DPYD: variants seen among roughly 807,000 people sequenced by gnomAD.
DPYD encodes dihydropyrimidine dehydrogenase, also known as dihydropyrimidine dehydrogenase [NADP(+)].
In DPYD, 109 loss-of-function variants were observed where a neutral mutation model predicts 116.2. That is an observed-to-expected ratio of 0.94 (90% CI 0.80 to 1.10). The LOEUF is 1.10. Among genes scored for constraint, DPYD ranks in the 50% least tolerant of loss-of-function variants. The probability of loss-of-function intolerance (pLI) is 0.00; values close to 1 mark genes in which losing one functional copy is unlikely to be tolerated. For missense variants in DPYD, 1,302 were observed against 1,254.5 expected, an observed-to-expected ratio of 1.04 and a Z score of -0.57; for synonymous variants, 440 against 432.0, an observed-to-expected ratio of 1.02 and a Z score of -0.23.
chr1:97,534,200 T>C (rs1358872508), intron 12 of DPYD, among the ~76,000 whole-genome samples: 1 of 152,130 alleles, frequency 6.6e-6, no homozygotes, highest in African/African-American at 2.4e-5. Context: ...TGATTAAAAA[T>C]GTATTTGAAG....
At chr1:97,828,293 G>A (rs1218813962) in intron 2 of DPYD, 97 bp from the exon 3 acceptor site, 2 of 1,132,972 alleles carry the variant, frequency 1.8e-6, no homozygotes, top group African/African-American at 3.1e-5. Flanking sequence ...TATTGATCAT[G>A]GACTCATGAA....
chr1:97,559,652 T>C (rs982810599), intron 11 of DPYD, among the ~76,000 whole-genome samples: 1 of 152,162 alleles, frequency 6.6e-6, no homozygotes, highest in Non-Finnish European at 1.5e-5. Context: ...CTTTTTTTTT[T>C]CCTTGTCAAT....
At chr1:97,433,060 G>A (rs1675271708) in intron 14 of DPYD, among the ~76,000 whole-genome samples, 1 of 152,230 alleles carries the variant, frequency 6.6e-6, no homozygotes, top group African/African-American at 2.4e-5. Flanking sequence ...TTGTGCTTCA[G>A]GATATCTTTC....
intron 14 of DPYD, among the ~76,000 whole-genome samples, chr1:97,385,068 C>T (rs1163003529): frequency 6.6e-6 from 1 of 151,674 alleles, no homozygotes; most frequent in Admixed American, 6.6e-5. Flanking sequence ...AGTGAGAAGT[C>T]ATACTCCAAG....
intron 14 of DPYD, among the ~76,000 whole-genome samples, chr1:97,428,942 T>A (rs886815277): frequency 6.6e-6 from 1 of 152,092 alleles, no homozygotes; most frequent in Non-Finnish European, 1.5e-5. Context: ...GGGTATTAAA[T>A]TTTTTAAATC....
chr1:97,206,130 C>G (rs1004759239), intron 19 of DPYD, among the ~76,000 whole-genome samples: 2 of 151,648 alleles, frequency 1.3e-5, no homozygotes, highest in African/African-American at 4.8e-5. Flanking sequence ...GCTTCCATGT[C>G]TTCTCCAGAC....
chr1:97,326,919 A>T (rs1570532119), intron 16 of DPYD, among the ~76,000 whole-genome samples: 1 of 152,046 alleles, frequency 6.6e-6, no homozygotes, highest in East Asian at 1.9e-4. Context: ...TAATGACATG[A>T]TGAAAGAGAT....
At chr1:97,373,751 T>C in intron 15 of DPYD, 107 bp from the exon 16 acceptor site, 3 of 972,600 alleles carry the variant, frequency 3.1e-6, no homozygotes, top group Admixed American at 2.0e-5. Context: ...TTAACTATTC[T>C]GTTTTCTGCA....
intron 18 of DPYD, among the ~76,000 whole-genome samples, chr1:97,285,399 T>A (rs78815677): frequency 0.077 from 11,663 of 152,204 alleles, 1,005 homozygotes; most frequent in African/African-American, 0.21. Context: ...GTGCTTCATT[T>A]CTCTATTTTT....
At chr1:97,664,410 T>G (rs1330760710) in intron 8 of DPYD, among the ~76,000 whole-genome samples, 1 of 151,966 alleles carries the variant, frequency 6.6e-6, no homozygotes, top group African/African-American at 2.4e-5. Context: ...TATATATGTA[T>G]AGCTATGAGT....
intron 20 of DPYD, among the ~76,000 whole-genome samples, chr1:97,133,222 TTTGGATTTGGGTTATATA>T: frequency 6.6e-6 from 1 of 152,210 alleles, no homozygotes; most frequent in East Asian, 1.9e-4. Flanking sequence ...TGCTAGCCTT[TTTGGATTTGGGTTATATA>T]TTACATACAT....
intron 2 of DPYD, among the ~76,000 whole-genome samples, chr1:97,865,267 G>A (rs1027807083): frequency 6.6e-6 from 1 of 151,868 alleles, no homozygotes; most frequent in Non-Finnish European, 1.5e-5. Context: ...TGAACCATAT[G>A]AGATGCATTT....
intron 19 of DPYD, among the ~76,000 whole-genome samples, chr1:97,219,942 T>C (rs1660673565): frequency 6.6e-6 from 1 of 152,278 alleles, no homozygotes; most frequent in African/African-American, 2.4e-5. Flanking sequence ...TTGCCATGCC[T>C]GAAATAGGCC....
intron 3 of DPYD, among the ~76,000 whole-genome samples, chr1:97,776,924 T>C (rs1174864045): frequency 6.6e-6 from 1 of 152,186 alleles, no homozygotes; most frequent in African/African-American, 2.4e-5. Context: ...GTTTAGACAT[T>C]TTCTAGGGTA....
chr1:97,675,103 T>C (rs1172199069), intron 8 of DPYD, among the ~76,000 whole-genome samples: 1 of 152,310 alleles, frequency 6.6e-6, no homozygotes, highest in African/African-American at 2.4e-5. Flanking sequence ...GCCCTAACCA[T>C]AGCCAACACA....
chr1:97,724,350 G>GA (rs1663112496), intron 4 of DPYD, among the ~76,000 whole-genome samples: 2 of 107,616 alleles, frequency 1.9e-5, no homozygotes, highest in Admixed American at 1.0e-4. Context: ...GTGTGTGTGT[G>GA]TGTGTGTGTG....
chr1:97,563,533 T>G (rs1235945760), intron 11 of DPYD, among the ~76,000 whole-genome samples: 1 of 152,192 alleles, frequency 6.6e-6, no homozygotes, highest in Non-Finnish European at 1.5e-5. Flanking sequence ...GTATGTAATC[T>G]TCAATTTGAT....
At chr1:97,889,687 T>A (rs1456801775) in intron 1 of DPYD, among the ~76,000 whole-genome samples, 2 of 151,920 alleles carry the variant, frequency 1.3e-5, no homozygotes, top group Non-Finnish European at 2.9e-5. Context: ...CATTAAACAG[T>A]GGATAGAACA....
intron 18 of DPYD, among the ~76,000 whole-genome samples, chr1:97,251,439 T>C (rs918012732): frequency 1.4e-5 from 2 of 145,964 alleles, no homozygotes; most frequent in Non-Finnish European, 3.0e-5. Flanking sequence ...AAAAAATGAA[T>C]CTGTGAGCTT....
Sources: allele counts gnomAD v4.1 joint callset (sites outside exome capture counted in the v4.1 genomes callset), GRCh38; gene constraint gnomAD v4.1.1; transcripts MANE v1.5; gene names NCBI Gene and HGNC (gene_info 2026-07-23, HGNC 2026-07-21).